Variants in RBFOX1 observed in about 807,000 individuals in gnomAD.
RBFOX1 encodes the protein RNA binding fox-1 homolog 1.
Under a neutral mutation model 57.7 loss-of-function variants are expected in RBFOX1, and 8 were observed. That is an observed-to-expected ratio of 0.14 (90% CI 0.08 to 0.25). The LOEUF (loss-of-function observed/expected upper bound fraction) is 0.25. RBFOX1 is among the 10% of genes least tolerant of loss of function. The probability of loss-of-function intolerance (pLI) is 1.00; values close to 1 mark genes in which losing one functional copy is unlikely to be tolerated. For synonymous variants in RBFOX1, 326 were observed against 222.4 expected (o/e 1.47, Z -4.15); for missense variants, 611 against 548.5 (o/e 1.11, Z -1.14).
exon 3 of RBFOX1, chr16:5,599,689 C>T (rs2151204064): frequency 6.3e-6 from 1 of 157,548 alleles, no homozygotes; most frequent in South Asian, 2.0e-4. Context: ...TCTTTATAGC[C>T]ATCACTACTA....
chr16:6,781,862 A>T (rs1009913172), intron 3 of RBFOX1, among the ~76,000 whole-genome samples: 1 of 152,100 alleles, frequency 6.6e-6, no homozygotes, highest in South Asian at 2.1e-4. Flanking sequence ...TTCCAAAAAC[A>T]AGTTTTTATT....
chr16:5,853,139 C>T (rs924560438), intron 3 of RBFOX1, among the ~76,000 whole-genome samples: 18 of 151,246 alleles, frequency 1.2e-4, no homozygotes, highest in African/African-American at 4.4e-4. Context: ...TAAGGGGGTG[C>T]AAGCTGAATA....
chr16:6,751,806 C>A (rs10492837), intron 3 of RBFOX1, among the ~76,000 whole-genome samples: 13,524 of 152,152 alleles, frequency 0.089, 750 homozygotes, highest in East Asian at 0.15. Flanking sequence ...AACCCACTTG[C>A]TATTATTTTC....
intron 1 of RBFOX1, among the ~76,000 whole-genome samples, chr16:6,118,691 T>TCTTC (rs374833441): frequency 3.4e-5 from 5 of 147,880 alleles, no homozygotes; most frequent in Admixed American, 2.7e-4. Flanking sequence ...TTCCTTCCTT[T>TCTTC]CTTCCTTCCT....
At chr16:5,494,003 G>C (rs918818479) in intron 2 of RBFOX1, among the ~76,000 whole-genome samples, 1 of 152,226 alleles carries the variant, frequency 6.6e-6, no homozygotes, top group Non-Finnish European at 1.5e-5. Flanking sequence ...CAGCCTTCTT[G>C]TGGGGCTTTG....
chr16:7,389,345 T>G (rs983155768), intron 4 of RBFOX1, among the ~76,000 whole-genome samples: 7 of 152,092 alleles, frequency 4.6e-5, no homozygotes, highest in Non-Finnish European at 1.5e-5. Flanking sequence ...AGGCTGGTCT[T>G]AAACCCCTGG....
intron 3 of RBFOX1, among the ~76,000 whole-genome samples, chr16:6,879,876 A>G (rs542497323): frequency 2.6e-4 from 40 of 152,348 alleles, no homozygotes; most frequent in Admixed American, 1.2e-3. Flanking sequence ...TAAATGTGCA[A>G]TCTTGCCTCA....
Position 5,995,958 on chromosome 16 carries a change from G to T in RBFOX1, c.351+128623G>T, listed in dbSNP as rs113774852. ...CCAAGATTGATTCGGTATGTGGTGA[G>T]GGCCCATGTTGTGGTTCATAGATGG... On this transcript the variant is annotated intron_variant, in intron 4 of 19. Transcript: ENST00000641259. 2.0e-5 allele frequency among the ~76,000 whole-genome samples: 3 copies of T among 152,264 alleles called. No individual in the cohort carries two copies. In the East Asian group the frequency reaches 5.8e-4, roughly 29 times the overall value.
chr16:7,260,476 T>C (rs2094875119), intron 4 of RBFOX1, among the ~76,000 whole-genome samples: 1 of 152,172 alleles, frequency 6.6e-6, no homozygotes, highest in Admixed American at 6.5e-5. Flanking sequence ...GTTTGATTTT[T>C]TTTTTCGTGC....
intron 2 of RBFOX1, among the ~76,000 whole-genome samples, chr16:6,356,439 A>C (rs2087337905): frequency 6.6e-6 from 1 of 152,200 alleles, no homozygotes; most frequent in South Asian, 2.1e-4. Context: ...ACTTGTCTTA[A>C]AAAACTATTA....
intron 1 of RBFOX1, among the ~76,000 whole-genome samples, chr16:6,237,949 G>A (rs1367964128): frequency 6.6e-6 from 1 of 151,676 alleles, no homozygotes; most frequent in Admixed American, 6.6e-5. Context: ...AAATTAGCCG[G>A]GCGTGGTGAT....
intron 2 of RBFOX1, among the ~76,000 whole-genome samples, chr16:6,589,808 A>G (rs2097685411): frequency 6.6e-6 from 1 of 152,222 alleles, no homozygotes; most frequent in Non-Finnish European, 1.5e-5. Context: ...ATGCCCATAA[A>G]TGAACAAGGA....
chr16:6,513,914 C>T (rs556300670), intron 2 of RBFOX1, among the ~76,000 whole-genome samples: 1 of 152,160 alleles, frequency 6.6e-6, no homozygotes, highest in East Asian at 1.9e-4. Context: ...GAAAGAGATC[C>T]CCAAGTGGAA....
At chr16:7,278,613 C>T (rs911021111) in intron 4 of RBFOX1, among the ~76,000 whole-genome samples, 6 of 152,162 alleles carry the variant, frequency 3.9e-5, no homozygotes, top group African/African-American at 1.4e-4. Context: ...CCTTTCCTAT[C>T]CTACATTCTC....
intron 3 of RBFOX1, among the ~76,000 whole-genome samples, chr16:6,700,874 C>T (rs538007910): frequency 1.3e-5 from 2 of 152,114 alleles, no homozygotes; most frequent in East Asian, 1.9e-4. Flanking sequence ...GTTTTTAATG[C>T]TCCAAATATC....
intron 4 of RBFOX1, among the ~76,000 whole-genome samples, chr16:7,198,970 G>C (rs1233447700): frequency 6.6e-6 from 1 of 152,134 alleles, no homozygotes; most frequent in Non-Finnish European, 1.5e-5. Context: ...TCAACCCTTA[G>C]AGAAATGGTG....
At chr16:6,394,820 G>C (rs1471300018) in intron 2 of RBFOX1, among the ~76,000 whole-genome samples, 1 of 152,094 alleles carries the variant, frequency 6.6e-6, no homozygotes, top group Non-Finnish European at 1.5e-5. Context: ...CTAAGTCCTT[G>C]GTGAAAAGAT....
intron 4 of RBFOX1, among the ~76,000 whole-genome samples, chr16:7,430,975 A>G (rs1212449544): frequency 6.6e-6 from 1 of 152,222 alleles, no homozygotes; most frequent in Non-Finnish European, 1.5e-5. Context: ...AAGCACGTGT[A>G]CTTGAATCTA....
intron 13 of RBFOX1, 132 bp downstream of exon 13, chr16:7,665,100 T>C: frequency 6.4e-7 from 1 of 1,568,248 alleles, no homozygotes; most frequent in Non-Finnish European, 8.7e-7. Flanking sequence ...ATTCCGTGGT[T>C]TGTCTTGCAG....
Sources: gnomAD v4.1 joint callset for allele counts (sites outside exome capture counted in the v4.1 genomes callset) on GRCh38, gnomAD v4.1.1 for gene constraint, MANE v1.5 for transcripts, NCBI Gene and HGNC (gene_info 2026-07-23, HGNC 2026-07-21) for gene names.